NAV1: variants seen among roughly 807,000 people sequenced by gnomAD.
NAV1 encodes the protein pore membrane and/or filament interacting like protein 3.
A neutral mutation model predicts 175.2 loss-of-function variants in NAV1; 18 were observed. That is an observed-to-expected ratio of 0.10 (90% confidence interval 0.07 to 0.15). The LOEUF (loss-of-function observed/expected upper bound fraction) is 0.15. Ranked by LOEUF, NAV1 falls within the 10% of genes least tolerant of loss-of-function variation. The probability of loss-of-function intolerance (pLI) is 1.00; values close to 1 mark genes in which losing one functional copy is unlikely to be tolerated. For synonymous variants in NAV1, 897 were observed against 978.7 expected (o/e 0.92, Z 1.56); for missense variants, 1,731 against 2,436.6 (o/e 0.71, Z 6.10).
intron 15 of NAV1, among the ~76,000 whole-genome samples, chr1:201,801,090 A>T (rs1677838703): frequency 6.6e-6 from 1 of 152,088 alleles, no homozygotes; most frequent in Non-Finnish European, 1.5e-5. Context: ...GGCCTCCCAA[A>T]GTGCTGGGAT....
chr1:201,761,998 T>TA (rs796720228), intron 3 of NAV1, among the ~76,000 whole-genome samples: 3,517 of 146,750 alleles, frequency 0.024, 118 homozygotes, highest in African/African-American at 0.08. Flanking sequence ...ACAAAAAAAT[T>TA]AAAAAAAAAA....
intron 1 of NAV1, among the ~76,000 whole-genome samples, chr1:201,656,371 C>T (rs1371693754): frequency 1.3e-5 from 2 of 152,180 alleles, no homozygotes; most frequent in Non-Finnish European, 2.9e-5. Context: ...GTGTTCCCAG[C>T]GTTGGTTCTT....
At chr1:201,821,308 C>G (rs1348004079) in exon 30 of NAV1, 3 of 152,536 alleles carry the variant, frequency 2.0e-5, no homozygotes, top group African/African-American at 7.2e-5. Flanking sequence ...AAGAGATGAA[C>G]ATCCATGTGA....
At chr1:201,673,084 A>T (rs1281834326) in intron 1 of NAV1, 2 of 152,124 alleles carry the variant, frequency 1.3e-5, no homozygotes, top group African/African-American at 4.8e-5. Flanking sequence ...CTAAATAGAA[A>T]AGTGAGCTTA....
At chr1:201,558,758 G>C (rs1001907373) in intron 1 of NAV1, among the ~76,000 whole-genome samples, 1 of 151,936 alleles carries the variant, frequency 6.6e-6, no homozygotes, top group African/African-American at 2.4e-5. Flanking sequence ...CACAGGTGTG[G>C]TGTTTAATTT....
rs1434580871 is a variant in NAV1, at chr1:201,750,315, A to C, written c.1227-30106A>C. Among the ~76,000 whole-genome samples the C allele has an allele frequency of 2.6e-5, 4 of 152,204 alleles. No individual in the cohort carries two copies. Among genetic ancestry groups the C allele is most frequent in the Non-Finnish European group, 5.9e-5 (4 of 68,036 alleles). On this transcript the variant is annotated intron_variant, in intron 3 of 29. Coordinates refer to ENST00000367296, the Ensembl canonical transcript of NAV1. This position sits in a 1 kb window ranked among gnomAD's most constrained non-coding sequence, Gnocchi z 4.1. ...CCCATTTGCGTGGATGACTTGGTGC[A>C]TCAGTGATAGGGGAGAAATGACTGA...
chr1:201,656,717 A>G (rs1669419428), intron 1 of NAV1, among the ~76,000 whole-genome samples: 1 of 152,244 alleles, frequency 6.6e-6, no homozygotes, highest in Non-Finnish European at 1.5e-5. Flanking sequence ...ACCGGCTTGC[A>G]GCACATATGC....
At chr1:201,636,003 AAACTTCCACCACTGCTG>A (rs1393170837) in intron 2 of NAV1, among the ~76,000 whole-genome samples, 3 of 152,194 alleles carry the variant, frequency 2.0e-5, no homozygotes, top group African/African-American at 7.2e-5. Context: ...ACTATTTGCT[AAACTTCCACCACTGCTG>A]CTCCCTACTT....
At chr1:201,671,656 G>T (rs972449311) in intron 1 of NAV1, among the ~76,000 whole-genome samples, 1 of 152,228 alleles carries the variant, frequency 6.6e-6, no homozygotes, top group Admixed American at 6.5e-5. Context: ...ACTCCTAAGC[G>T]TTGGGTGGAC....
intron 1 of NAV1, among the ~76,000 whole-genome samples, chr1:201,540,363 C>T (rs1057121316): frequency 1.3e-5 from 2 of 152,174 alleles, no homozygotes; most frequent in African/African-American, 4.8e-5. Flanking sequence ...ATTGGGATAC[C>T]ATTGGCTCGT....
chr1:201,550,612 T>G (rs1013025100), intron 1 of NAV1, among the ~76,000 whole-genome samples: 1 of 152,248 alleles, frequency 6.6e-6, no homozygotes, highest in African/African-American at 2.4e-5. Flanking sequence ...TATTTTCAAA[T>G]AGAATGCATT....
intron 2 of NAV1, among the ~76,000 whole-genome samples, chr1:201,595,059 C>T (rs1377950933): frequency 6.6e-6 from 1 of 152,202 alleles, no homozygotes; most frequent in African/African-American, 2.4e-5. Context: ...TAGTGTGGAC[C>T]TGCCACGCCT....
chr1:201,557,013 G>C (rs1202725603), intron 1 of NAV1, among the ~76,000 whole-genome samples: 2 of 152,194 alleles, frequency 1.3e-5, no homozygotes, highest in Admixed American at 6.5e-5. Context: ...CCATGATCCT[G>C]CCAGACCACA....
At chr1:201,675,854 A>T (rs1480432198) in intron 1 of NAV1, among the ~76,000 whole-genome samples, 1 of 152,196 alleles carries the variant, frequency 6.6e-6, no homozygotes, top group Non-Finnish European at 1.5e-5. Flanking sequence ...GAGCCTCAAG[A>T]GGGAAGAAAA....
intron 2 of NAV1, among the ~76,000 whole-genome samples, chr1:201,631,066 C>T (rs970522516): frequency 3.3e-5 from 5 of 152,172 alleles, no homozygotes; most frequent in African/African-American, 1.2e-4. Flanking sequence ...GGTTGGGTAC[C>T]TCTGGGGGGA....
intron 1 of NAV1, among the ~76,000 whole-genome samples, chr1:201,556,187 A>G (rs1393734746): frequency 6.6e-6 from 1 of 152,130 alleles, no homozygotes; most frequent in Non-Finnish European, 1.5e-5. Context: ...CAAGGTGGGT[A>G]GATTGTTTGA....
chr1:201,614,465 G>C (rs905990767), intron 2 of NAV1, among the ~76,000 whole-genome samples: 1 of 152,240 alleles, frequency 6.6e-6, no homozygotes, highest in African/African-American at 2.4e-5. Context: ...ACCGGGGAGA[G>C]AGGGACCGCC....
rs1006108460 is a variant in NAV1, at chr1:201,540,631, T to A, written c.-144+1289T>A. On this transcript the variant is annotated intron_variant, in intron 1 of 33. Coordinates refer to the NAV1 transcript ENST00000685211. ...TTCCAGCTTGCTTATGACATTTTTT[T>A]AAATCCTGCTTTGACTTTTTGTTGG... Among the ~76,000 whole-genome samples, 13 of 152,362 alleles carry A rather than the reference T, an allele frequency of 8.5e-5. No homozygotes were observed. In the East Asian group the frequency reaches 1.4e-3, roughly 16 times the overall value.
intron 1 of NAV1, among the ~76,000 whole-genome samples, chr1:201,665,388 C>G (rs1443818535): frequency 6.6e-6 from 1 of 152,168 alleles, no homozygotes; most frequent in Admixed American, 6.5e-5. Flanking sequence ...TGTCAGGAAT[C>G]CAGCAGCTGG....
Sources: gnomAD v4.1 joint callset for allele counts (sites outside exome capture counted in the v4.1 genomes callset) on GRCh38, gnomAD v4.1.1 for gene constraint, Gnocchi (gnomAD v3.1) non-coding constraint, MANE v1.5 for transcripts, NCBI Gene and HGNC (gene_info 2026-07-23, HGNC 2026-07-21) for gene names.